ABR: variants seen among roughly 807,000 people sequenced by gnomAD.
ABR encodes ABR activator of RhoGEF and GTPase.
A neutral mutation model predicts 107.2 loss-of-function variants in ABR; 35 were observed. The ratio of observed to expected loss-of-function variants is 0.33; its 90% confidence interval spans 0.25 to 0.43. ABR has a LOEUF of 0.43. Ranked by LOEUF, ABR falls within the 20% of genes least tolerant of loss-of-function variation. The probability of loss-of-function intolerance (pLI) is 1.00; values close to 1 mark genes in which losing one functional copy is unlikely to be tolerated. For missense variants in ABR, 815 were observed against 1,115.2 expected (o/e 0.73, Z 3.83); for synonymous variants, 498 against 462.0 (o/e 1.08, Z -1.00).
chr17:1,180,618 G>T (rs1474606245), upstream of ABR, among the ~76,000 whole-genome samples: 2 of 152,216 alleles, frequency 1.3e-5, no homozygotes, highest in African/African-American at 4.8e-5. Flanking sequence ...AGCCCCAAGG[G>T]CTCCACGCGT....
chr17:1,150,567 G>A lies in ABR; in HGVS notation c.62-25200C>T, dbSNP rs1236283556. On this transcript the variant is annotated intron_variant, in intron 1 of 22. Coordinates refer to ENST00000302538, the MANE Select transcript of ABR (RefSeq NM_021962.5). This position sits in a 1 kb window ranked among gnomAD's most constrained non-coding sequence, Gnocchi z 4.8. ...AGGACGGGCCCCGGGCATGGCAAGC[G>A]CACTGCCCCCTCTCACTCCTCCGGC... Among the ~76,000 whole-genome samples, 1 of 152,172 alleles carries A rather than the reference G, an allele frequency of 6.6e-6. No individual in the cohort carries two copies. The highest frequency in any genetic ancestry group is 1.5e-5 in the Non-Finnish European group (1 of 68,024).
chr17:1,034,043 TC>T (rs2072998885), intron 16 of ABR, among the ~76,000 whole-genome samples: 3 of 149,608 alleles, frequency 2.0e-5, no homozygotes, highest in Admixed American at 1.3e-4. Context: ...CAATCTTGGC[TC>T]ACTGCAGCCT....
At chr17:1,147,918 T>C (rs1326467483) in intron 1 of ABR, among the ~76,000 whole-genome samples, 1 of 152,214 alleles carries the variant, frequency 6.6e-6, no homozygotes, top group African/African-American at 2.4e-5. Flanking sequence ...CAAGGTGGAA[T>C]GTCTTCCAGC....
intron 6 of ABR, among the ~76,000 whole-genome samples, chr17:1,076,541 G>A (rs1011257161): frequency 7.2e-5 from 11 of 151,966 alleles, no homozygotes; most frequent in African/African-American, 2.2e-4. Context: ...TCGGCTCCCC[G>A]CAGCCCTCTC....
chr17:1,217,054 G>GGC (rs1398731224), intron 1 of ABR, among the ~76,000 whole-genome samples: 2 of 152,210 alleles, frequency 1.3e-5, no homozygotes, highest in African/African-American at 4.8e-5. Context: ...GCTCATTAGA[G>GGC]ATGGGACATG....
At chr17:1,165,428 C>T (rs976042072) in intron 1 of ABR, among the ~76,000 whole-genome samples, 1 of 152,254 alleles carries the variant, frequency 6.6e-6, no homozygotes, top group African/African-American at 2.4e-5. Context: ...CCCTGCCTGG[C>T]GCTGGGACCT....
Position 1,005,001 on chromosome 17 carries a change from C to T in ABR, c.*1079G>A. 2.5e-6 allele frequency: 1 copy of T among 399,054 alleles called. No individual in the cohort carries two copies. The highest frequency in any genetic ancestry group is 4.4e-6 in the Non-Finnish European group (1 of 226,238). 24.7% of individuals were successfully genotyped at this position (399,054 alleles called of 1,614,324 possible). ...GGACACCTGCTTCGGCCACATCAGT[C>T]ACCCTCCAGGAAGCCTGGCCCCTCT... is the stretch of plus-strand genomic sequence containing the variant. On this transcript the variant is annotated 3_prime_UTR_variant, in exon 23 of 23. Transcript: ENST00000302538.
At chr17:1,068,234 G>A (rs541989108) in intron 9 of ABR, among the ~76,000 whole-genome samples, 1 of 152,322 alleles carries the variant, frequency 6.6e-6, no homozygotes, top group African/African-American at 2.4e-5. Flanking sequence ...TGCCCGCCCA[G>A]TCATCCCTTT....
intron 2 of ABR, among the ~76,000 whole-genome samples, chr17:1,108,063 G>A (rs996470446): frequency 6.7e-6 from 1 of 149,182 alleles, no homozygotes; most frequent in Non-Finnish European, 1.5e-5. Context: ...ATGGGCACTC[G>A]GTTAGGCAGC....
Position 1,138,939 on chromosome 17 carries a change from G to A in ABR, c.62-13572C>T, listed in dbSNP as rs189631039. Among the ~76,000 whole-genome samples, 373 of 152,310 alleles carry A rather than the reference G, an allele frequency of 2.4e-3. 2 individuals carry two copies. Among genetic ancestry groups the A allele is most frequent in the Middle Eastern group, 0.017 (5 of 294 alleles). On this transcript the variant is annotated intron_variant, in intron 1 of 22. Coordinates refer to ENST00000302538, the MANE Select transcript of ABR (RefSeq NM_021962.5). ...TAGCATTGAATAAAGACAGAATGGGGTTTTTATAAGCAGACTTCACAAAAG... is the reference window on the plus strand; with the variant it reads ...TAGCATTGAATAAAGACAGAATGGGATTTTTATAAGCAGACTTCACAAAAG...
At chr17:1,086,082 G>A (rs1362941520) in intron 4 of ABR, among the ~76,000 whole-genome samples, 1 of 152,160 alleles carries the variant, frequency 6.6e-6, no homozygotes, top group African/African-American at 2.4e-5. Context: ...GGAGGTGGAG[G>A]TTGCAGTGAG....
At chr17:1,128,621 T>C (rs1402029386) in intron 1 of ABR, among the ~76,000 whole-genome samples, 1 of 152,232 alleles carries the variant, frequency 6.6e-6, no homozygotes, top group Admixed American at 6.5e-5. Flanking sequence ...TTCCTCCTTC[T>C]GTTGCTGGTT....
At chr17:1,009,934 G>A in intron 20 of ABR, 150 bp from the exon 21 acceptor site, 1 of 662,064 alleles carries the variant, frequency 1.5e-6, no homozygotes, top group Non-Finnish European at 2.6e-6. Flanking sequence ...CTGGTGTCTG[G>A]GTGGGCTGTC....
intron 1 of ABR, among the ~76,000 whole-genome samples, chr17:1,127,253 T>A (rs1156944020): frequency 6.6e-6 from 1 of 150,808 alleles, no homozygotes; most frequent in Non-Finnish European, 1.5e-5. Context: ...CTGAGATGAG[T>A]GTACACCACA....
At chr17:1,126,993 G>C (rs914486768) in intron 1 of ABR, among the ~76,000 whole-genome samples, 1 of 152,196 alleles carries the variant, frequency 6.6e-6, no homozygotes, top group African/African-American at 2.4e-5. Flanking sequence ...CAACACACCA[G>C]CCCACAGGCA....
chr17:1,134,760 G>A (rs1004319736), intron 1 of ABR, among the ~76,000 whole-genome samples: 7 of 152,348 alleles, frequency 4.6e-5, no homozygotes, highest in South Asian at 2.1e-4. Flanking sequence ...ACAGTTCATC[G>A]CTGTGGCTGA....
chr17:1,202,112 TTTTA>T (rs999255103), intron 1 of ABR, among the ~76,000 whole-genome samples: 6 of 152,120 alleles, frequency 3.9e-5, no homozygotes, highest in Non-Finnish European at 7.4e-5. Context: ...CTTTGCCTCC[TTTTA>T]TTTATTTATT....
chr17:1,006,340 G>A (rs2070031707), intron 22 of ABR, among the ~76,000 whole-genome samples, 171 bp from the exon 23 acceptor site: 1 of 152,242 alleles, frequency 6.6e-6, no homozygotes, highest in Non-Finnish European at 1.5e-5. Flanking sequence ...CTACGGGGCA[G>A]AGGGTCGGGG....
chr17:1,035,847 G>A (rs72814006), intron 16 of ABR, among the ~76,000 whole-genome samples: 20,808 of 150,064 alleles, frequency 0.14, 1,895 homozygotes, highest in Admixed American at 0.21. Context: ...GTGGGACCCC[G>A]CATTACACCT....
Sources: allele counts gnomAD v4.1 joint callset (sites outside exome capture counted in the v4.1 genomes callset), GRCh38; gene constraint gnomAD v4.1.1; non-coding constraint Gnocchi (gnomAD v3.1); transcripts MANE v1.5; gene names NCBI Gene and HGNC (gene_info 2026-07-23, HGNC 2026-07-21).